Variants in GDPD1 observed in about 807,000 individuals in gnomAD.
The protein encoded by GDPD1 is glycerophosphodiester phosphodiesterase domain containing 1.
GDPD1 carries 28 observed loss-of-function variants against 45.1 expected under a neutral mutation model. The ratio of observed to expected loss-of-function variants is 0.62; its 90% CI spans 0.46 to 0.85. The LOEUF (loss-of-function observed/expected upper bound fraction) is 0.85. GDPD1 is among the 40% of genes least tolerant of loss of function. GDPD1 has a pLI of 0.00. For synonymous variants in GDPD1, 139 were observed against 131.4 expected (o/e 1.06, Z -0.40); for missense variants, 256 against 364.8 (o/e 0.70, Z 2.43).
intron 1 of GDPD1, among the ~76,000 whole-genome samples, chr17:59,233,389 G>A (rs1184129088): frequency 6.6e-6 from 1 of 151,792 alleles, no homozygotes; most frequent in East Asian, 1.9e-4. Context: ...GTGGGCGCCT[G>A]TAGTCCCAGC....
intron 7 of GDPD1, among the ~76,000 whole-genome samples, chr17:59,269,551 A>T (rs895944860): frequency 6.8e-6 from 1 of 146,438 alleles, no homozygotes; most frequent in African/African-American, 2.5e-5. Flanking sequence ...TGGCTGGGCC[A>T]GGGGCTCCTG....
rs73321270 is a variant in GDPD1 at position 59,233,672 on chromosome 17, A to G, written c.143-820A>G. 8.6e-3 allele frequency among the ~76,000 whole-genome samples: 1,307 copies of G among 152,112 alleles called. 26 individuals carry two copies. Among genetic ancestry groups the G allele is most frequent in the African/African-American group, 0.029 (1,204 of 41,518 alleles). ...ACCCTGAACATTATTTTTTCATTGC[A>G]TTAGTGGTATTTCGTATTTTTTACT... On this transcript the variant is annotated intron_variant, in intron 1 of 9. Transcript: ENST00000284116.
intron 7 of GDPD1, among the ~76,000 whole-genome samples, chr17:59,269,351 A>G (rs2047426470): frequency 1.3e-5 from 2 of 152,062 alleles, no homozygotes; most frequent in Admixed American, 6.6e-5. Flanking sequence ...CTTCTATTTC[A>G]TGCCTGTTTT....
intron 4 of GDPD1, among the ~76,000 whole-genome samples, chr17:59,252,776 G>C (rs2047265689): frequency 6.6e-6 from 1 of 151,570 alleles, no homozygotes; most frequent in African/African-American, 2.4e-5. Context: ...GAGGCAGGAA[G>C]ATCACCTGAG....
At chr17:59,221,589 A>G (rs758115777) in intron 1 of GDPD1, among the ~76,000 whole-genome samples, 1 of 152,162 alleles carries the variant, frequency 6.6e-6, no homozygotes, top group African/African-American at 2.4e-5. Flanking sequence ...GTGTTTTGCT[A>G]AAAGGAGCCC....
chr17:59,270,882 C>T (rs1447962875), intron 7 of GDPD1, 54 bp from the exon 8 acceptor site: 1 of 1,068,486 alleles, frequency 9.4e-7, no homozygotes, highest in Non-Finnish European at 1.4e-6. Flanking sequence ...CATTTTATCA[C>T]ACTGATATAT....
intron 6 of GDPD1, among the ~76,000 whole-genome samples, chr17:59,264,191 G>A (rs111515548): frequency 6.6e-6 from 1 of 151,462 alleles, no homozygotes; most frequent in African/African-American, 2.4e-5. Context: ...GTAGAGACCG[G>A]GTTTCTCCAT....
At chr17:59,257,988 G>A (rs2047322679) in intron 6 of GDPD1, 148 bp downstream of exon 6, 6 of 440,038 alleles carry the variant, frequency 1.4e-5, no homozygotes, top group East Asian at 5.0e-5. Context: ...GTGCAGTGGT[G>A]CAATCATAGC....
intron 4 of GDPD1, among the ~76,000 whole-genome samples, chr17:59,255,825 A>ATATATACACATATATATC: frequency 1.5e-5 from 1 of 68,162 alleles, no homozygotes; most frequent in South Asian, 4.4e-4. Flanking sequence ...GTATATATAT[A>ATATATACACATATATATC]TACGCGTATA....
chr17:59,230,870 A>G (rs1192826252), intron 1 of GDPD1, among the ~76,000 whole-genome samples: 1 of 152,244 alleles, frequency 6.6e-6, no homozygotes, highest in Non-Finnish European at 1.5e-5. Flanking sequence ...TTATTGCCCC[A>G]GAAAGACACT....
At chr17:59,263,684 T>G (rs1018895501) in intron 6 of GDPD1, among the ~76,000 whole-genome samples, 2 of 151,718 alleles carry the variant, frequency 1.3e-5, no homozygotes, top group African/African-American at 2.4e-5. Context: ...TTCTCTATGT[T>G]GGTCAGGCCG....
intron 1 of GDPD1, among the ~76,000 whole-genome samples, chr17:59,223,169 T>C (rs527594555): frequency 6.6e-6 from 1 of 152,358 alleles, no homozygotes; most frequent in Admixed American, 6.5e-5. Context: ...ATTTTCTTCC[T>C]AGATATTAGG....
At chr17:59,271,925 G>T (rs185054104) in intron 8 of GDPD1, among the ~76,000 whole-genome samples, 9 of 151,980 alleles carry the variant, frequency 5.9e-5, no homozygotes, top group Admixed American at 5.9e-4. Flanking sequence ...GTGAGCCACC[G>T]CGCCCAGCCT....
rs377607565 is a variant in GDPD1 at position 59,246,117 on chromosome 17, C to CA, written c.321+580dup. Among the ~76,000 whole-genome samples the CA allele has an allele frequency of 1.4e-3, 176 of 126,542 alleles. 4 individuals carry two copies. In the South Asian group the frequency reaches 0.019, roughly 13 times the overall value. The allele number at this position is 126,542 out of a possible 152,430, so 83.0% of individuals were successfully genotyped here. ...CCTGGGCAAGAGTGAGACTCTGTCT[C>CA]AAAAAAAAAAAAGATTATTATAACG... is the stretch of plus-strand genomic sequence containing the variant. On this transcript the variant is annotated intron_variant, in intron 3 of 9. Transcript: ENST00000284116.
chr17:59,224,878 G>C (rs2047035554), intron 1 of GDPD1, among the ~76,000 whole-genome samples: 1 of 151,990 alleles, frequency 6.6e-6, no homozygotes. Context: ...TATCAAAGAA[G>C]ACTCATTTCC....
chr17:59,267,197 TAAAA>T, intron 7 of GDPD1, 23 bp downstream of exon 7: 1 of 1,580,602 alleles, frequency 6.3e-7, no homozygotes, highest in East Asian at 2.2e-5. Context: ...CCTTTTATTT[TAAAA>T]TCAATTATCA....
At chr17:59,222,760 C>A (rs1277379573) in intron 1 of GDPD1, among the ~76,000 whole-genome samples, 1 of 152,036 alleles carries the variant, frequency 6.6e-6, no homozygotes. Flanking sequence ...GGTGATCCAC[C>A]CGCCTTAGCC....
chr17:59,267,245 A>G (rs1174159620), intron 7 of GDPD1, 71 bp downstream of exon 7: 2 of 1,306,884 alleles, frequency 1.5e-6, no homozygotes, highest in Non-Finnish European at 2.2e-6. Context: ...GCTCACTAAT[A>G]TCAATATCAA....
chr17:59,268,976 C>CA (rs1266944341), intron 7 of GDPD1, among the ~76,000 whole-genome samples: 3 of 151,968 alleles, frequency 2.0e-5, no homozygotes, highest in South Asian at 2.1e-4. Flanking sequence ...AGCGACAGAG[C>CA]GAGACTCCTT....
Sources: gnomAD v4.1 joint callset for allele counts (sites outside exome capture counted in the v4.1 genomes callset) on GRCh38, gnomAD v4.1.1 for gene constraint, MANE v1.5 for transcripts, NCBI Gene and HGNC (gene_info 2026-07-23, HGNC 2026-07-21) for gene names.